Variants in TMEM132D observed in about 807,000 individuals in gnomAD.
TMEM132D encodes the protein mature OL transmembrane protein.
TMEM132D carries 21 observed loss-of-function variants against 62.3 expected under a neutral mutation model. The observed-to-expected ratio is 0.34, with a 90% CI of 0.24 to 0.49. The LOEUF is 0.49. Among genes scored for constraint, TMEM132D ranks in the 20% least tolerant of loss-of-function variants. TMEM132D has a pLI of 0.99. For synonymous variants in TMEM132D, 621 were observed against 575.6 expected (o/e 1.08, Z -1.13); for missense variants, 1,346 against 1,402.8 (o/e 0.96, Z 0.65).
intron 2 of TMEM132D, among the ~76,000 whole-genome samples, chr12:129,659,563 C>A (rs535210887): frequency 5.0e-4 from 76 of 151,426 alleles, no homozygotes; most frequent in African/African-American, 1.7e-3. Flanking sequence ...AATTGAGAAG[C>A]AATTTGATTT....
chr12:129,619,136 G>T (rs1239476465), intron 2 of TMEM132D, among the ~76,000 whole-genome samples: 1 of 152,176 alleles, frequency 6.6e-6, no homozygotes, highest in African/African-American at 2.4e-5. Context: ...TGAGGTTAAT[G>T]CTGGAGGGGA....
rs369217938 is a variant in TMEM132D, at chr12:129,671,452, T to C, written c.968+28358A>G. The stretch of plus-strand genomic sequence containing the variant: ...AGCACCCTAACCAGGGAAGGTTTTA[T>C]TAGCACTCTCAGAACTCAAAACACC... On this transcript the variant is annotated intron_variant, in intron 2 of 8. Coordinates refer to ENST00000422113, the MANE Select transcript of TMEM132D (RefSeq NM_133448.3). 7.2e-4 allele frequency among the ~76,000 whole-genome samples: 109 copies of C among 152,322 alleles called. 1 individual carries two copies. The highest frequency in any genetic ancestry group is 2.5e-3 in the African/African-American group (104 of 41,578).
chr12:129,448,775 C>A (rs1264265147), intron 3 of TMEM132D, among the ~76,000 whole-genome samples: 2 of 152,194 alleles, frequency 1.3e-5, no homozygotes, highest in African/African-American at 4.8e-5. Context: ...TGCGTGTTAA[C>A]AGCCATGAGT....
intron 5 of TMEM132D, among the ~76,000 whole-genome samples, chr12:129,116,767 C>G (rs1181009011): frequency 6.6e-6 from 1 of 152,002 alleles, no homozygotes; most frequent in Non-Finnish European, 1.5e-5. Context: ...TATGGAGCAA[C>G]AGGAACTCGT....
At chr12:129,397,987 C>T (rs2135698500) in intron 3 of TMEM132D, among the ~76,000 whole-genome samples, 1 of 152,324 alleles carries the variant, frequency 6.6e-6, no homozygotes, top group South Asian at 2.1e-4. Context: ...TATGTAGCAT[C>T]TGAAAGTTAG....
At chr12:129,489,856 A>C (rs1874708554) in intron 3 of TMEM132D, among the ~76,000 whole-genome samples, 1 of 152,196 alleles carries the variant, frequency 6.6e-6, no homozygotes, top group Non-Finnish European at 1.5e-5. Context: ...TAATACAATA[A>C]TTTTCCAGAC....
At chr12:129,865,318 C>T (rs1234949131) in intron 1 of TMEM132D, among the ~76,000 whole-genome samples, 1 of 152,080 alleles carries the variant, frequency 6.6e-6, no homozygotes, top group Non-Finnish European at 1.5e-5. Flanking sequence ...AGAATAATGT[C>T]CGGTGTGGCT....
At chr12:129,552,348 A>G (rs147751819) in intron 2 of TMEM132D, among the ~76,000 whole-genome samples, 3 of 152,274 alleles carry the variant, frequency 2.0e-5, no homozygotes, top group African/African-American at 4.8e-5. Context: ...TCTACTTATT[A>G]TCTATATACC....
intron 1 of TMEM132D, among the ~76,000 whole-genome samples, chr12:129,860,585 A>G (rs1284659983): frequency 6.6e-6 from 1 of 152,258 alleles, no homozygotes; most frequent in African/African-American, 2.4e-5. Context: ...GCGTATATAT[A>G]TAAAACTTCT....
intron 1 of TMEM132D, among the ~76,000 whole-genome samples, chr12:129,748,903 C>T (rs1006821318): frequency 4.6e-5 from 7 of 152,174 alleles, no homozygotes; most frequent in Non-Finnish European, 8.8e-5. Flanking sequence ...ACTTTTTGTA[C>T]CTGCACCTCC....
chr12:129,731,790 G>A (rs1007880352), intron 1 of TMEM132D, among the ~76,000 whole-genome samples: 3 of 152,040 alleles, frequency 2.0e-5, no homozygotes, highest in Non-Finnish European at 4.4e-5. Flanking sequence ...AGCCTACTAA[G>A]TAGCTGGGAC....
At chr12:129,766,643 A>G (rs1189418981) in intron 1 of TMEM132D, among the ~76,000 whole-genome samples, 1 of 152,172 alleles carries the variant, frequency 6.6e-6, no homozygotes, top group African/African-American at 2.4e-5. Flanking sequence ...GCTTGTCTCC[A>G]GTGGCTGGGA....
intron 1 of TMEM132D, among the ~76,000 whole-genome samples, chr12:129,780,166 T>C (rs544877397): frequency 6.6e-6 from 1 of 151,600 alleles, no homozygotes; most frequent in South Asian, 2.1e-4. Flanking sequence ...CACCGGTCGC[T>C]TTTCTGCCTT....
At chr12:129,542,433 C>T (rs1876608312) in intron 2 of TMEM132D, among the ~76,000 whole-genome samples, 1 of 151,656 alleles carries the variant, frequency 6.6e-6, no homozygotes, top group Non-Finnish European at 1.5e-5. Context: ...CGTAAATTCT[C>T]AGGGATGTCT....
At chr12:129,892,281 C>T (rs1431006463) in intron 1 of TMEM132D, among the ~76,000 whole-genome samples, 2 of 152,158 alleles carry the variant, frequency 1.3e-5, no homozygotes, top group African/African-American at 4.8e-5. Context: ...AAAATTTTCT[C>T]CAACGTGTCC....
At chr12:129,840,403 G>C (rs1469217439) in intron 1 of TMEM132D, 1 of 152,128 alleles carries the variant, frequency 6.6e-6, no homozygotes, top group Non-Finnish European at 1.5e-5. Flanking sequence ...TCCTTCATTT[G>C]AGCACACGTC....
intron 2 of TMEM132D, among the ~76,000 whole-genome samples, chr12:129,580,162 T>G (rs1877802910): frequency 2.0e-5 from 3 of 152,096 alleles, no homozygotes; most frequent in African/African-American, 7.2e-5. Context: ...TTAGTCAAGG[T>G]TGTCCCAGGA....
At chr12:129,841,324 A>C (rs1873186276) in intron 1 of TMEM132D, among the ~76,000 whole-genome samples, 1 of 152,192 alleles carries the variant, frequency 6.6e-6, no homozygotes, top group Non-Finnish European at 1.5e-5. Flanking sequence ...AAAGAAAAAA[A>C]AAAGAAATTG....
intron 3 of TMEM132D, among the ~76,000 whole-genome samples, chr12:129,507,405 G>C (rs1244862581): frequency 6.6e-6 from 1 of 152,150 alleles, no homozygotes; most frequent in East Asian, 1.9e-4. Context: ...AAAGATACTT[G>C]CACGTGCATG....
Sources: allele counts gnomAD v4.1 joint callset (sites outside exome capture counted in the v4.1 genomes callset), GRCh38; gene constraint gnomAD v4.1.1; transcripts MANE v1.5; gene names NCBI Gene and HGNC (gene_info 2026-07-23, HGNC 2026-07-21).